DLGAP2: variants seen among roughly 807,000 people sequenced by gnomAD.
DLGAP2 encodes the protein disks large-associated protein 2.
Under a neutral mutation model 100.3 loss-of-function variants are expected in DLGAP2, and 26 were observed. The observed-to-expected ratio is 0.26, with a 90% CI of 0.19 to 0.36. DLGAP2 has a LOEUF of 0.36. Ranked by LOEUF, DLGAP2 falls within the 10% of genes least tolerant of loss-of-function variation. The pLI, the probability that DLGAP2 is intolerant of heterozygous loss-of-function variation, is 1.00. For missense variants in DLGAP2, 1,858 were observed against 1,453.2 expected (o/e 1.28, Z -4.53); for synonymous variants, 886 against 630.1 (o/e 1.41, Z -6.08).
At chr8:925,845 G>A (rs1232927435) in intron 2 of DLGAP2, among the ~76,000 whole-genome samples, 2 of 152,138 alleles carry the variant, frequency 1.3e-5, no homozygotes, top group African/African-American at 2.4e-5. Flanking sequence ...AAAATGTGGT[G>A]TTCCAGTTCA....
At chr8:1,561,131 GCACA>G (rs1290153735) in intron 5 of DLGAP2, among the ~76,000 whole-genome samples, 9 of 152,104 alleles carry the variant, frequency 5.9e-5, no homozygotes, top group African/African-American at 1.9e-4. Flanking sequence ...GAGTTCCCCT[GCACA>G]CACTCTCTTG....
At chr8:1,225,818 A>T (rs1489966198) in intron 2 of DLGAP2, among the ~76,000 whole-genome samples, 1 of 152,226 alleles carries the variant, frequency 6.6e-6, no homozygotes, top group African/African-American at 2.4e-5. Context: ...ATATTGTATA[A>T]ATCAAAATTG....
Position 1,618,893 on chromosome 8 carries a change from T to C in DLGAP2, c.1443-7847T>C, listed in dbSNP as rs190674064. On this transcript the variant is annotated intron_variant, in intron 6 of 14. Transcript: ENST00000637795. The stretch of plus-strand genomic sequence containing the variant: ...AGTAGACACGAGTAGCACCCTCCTC[T>C]AAATTGTGGCAAACTCAAAATATCT... 1.2e-4 allele frequency among the ~76,000 whole-genome samples: 19 copies of C among 152,292 alleles called. No homozygotes were observed. The East Asian group carries it at 3.5e-3, about 28-fold the overall frequency.
chr8:870,492 C>T (rs1797577150), intron 1 of DLGAP2, among the ~76,000 whole-genome samples: 1 of 152,172 alleles, frequency 6.6e-6, no homozygotes, highest in African/African-American at 2.4e-5. Flanking sequence ...AAATTTCCTG[C>T]ACTTTCTCAC....
chr8:1,145,283 T>C (rs978358643), intron 2 of DLGAP2, among the ~76,000 whole-genome samples: 5 of 151,902 alleles, frequency 3.3e-5, no homozygotes, highest in African/African-American at 1.2e-4. Context: ...CCACCCACCA[T>C]CCCTCCAGGA....
intron 14 of DLGAP2, among the ~76,000 whole-genome samples, chr8:1,698,437 C>A (rs114767249): frequency 6.8e-6 from 1 of 147,940 alleles, no homozygotes; most frequent in African/African-American, 2.5e-5. Context: ...TGGGAGTAGG[C>A]TGGTCCACGT....
chr8:1,531,288 T>C (rs544649459), intron 4 of DLGAP2, among the ~76,000 whole-genome samples: 72 of 150,740 alleles, frequency 4.8e-4, no homozygotes, highest in Non-Finnish European at 7.4e-4. Flanking sequence ...GTTCTTAACC[T>C]GGGACAAATT....
At chr8:1,382,538 C>A (rs1021532760) in intron 3 of DLGAP2, among the ~76,000 whole-genome samples, 1 of 152,158 alleles carries the variant, frequency 6.6e-6, no homozygotes, top group African/African-American at 2.4e-5. Context: ...GAGTTTGAGA[C>A]CAACCTGGGC....
intron 6 of DLGAP2, among the ~76,000 whole-genome samples, chr8:1,567,464 CA>C (rs1802448491): frequency 1.3e-5 from 2 of 152,148 alleles, no homozygotes; most frequent in Non-Finnish European, 2.9e-5. Flanking sequence ...TGTTTGAAAG[CA>C]AAACATGAAA....
At chr8:1,584,898 C>G (rs1281580303) in intron 6 of DLGAP2, among the ~76,000 whole-genome samples, 4 of 152,224 alleles carry the variant, frequency 2.6e-5, no homozygotes, top group Admixed American at 6.5e-5. Flanking sequence ...TACCTCATTT[C>G]TTTCTTCTTG....
At chr8:1,249,670 C>T (rs1197933487) in intron 2 of DLGAP2, among the ~76,000 whole-genome samples, 1 of 152,182 alleles carries the variant, frequency 6.6e-6, no homozygotes, top group Non-Finnish European at 1.5e-5. Context: ...ACACAGCTGT[C>T]ATGGAGCTGG....
Position 1,669,913 on chromosome 8 carries a change from C to T in DLGAP2, c.2202+129C>T, listed in dbSNP as rs141572733. ...TATGTGCCAGGCACTATGCTGGGTGCTCCCATCTGTCCCCCTTAGATGAGG... is the reference window on the plus strand; with the variant it reads ...TATGTGCCAGGCACTATGCTGGGTGTTCCCATCTGTCCCCCTTAGATGAGG... On this transcript the variant is annotated intron_variant, in intron 10 of 14. Transcript: ENST00000637795. 3.4e-4 allele frequency: 242 copies of T among 704,590 alleles called. 1 individual carries two copies. The African/African-American group carries it at 4.0e-3, about 12-fold the overall frequency. The allele number at this position is 704,590 out of a possible 1,614,324, so 43.6% of individuals were successfully genotyped here.
At chr8:1,407,199 G>T (rs377388256) in intron 3 of DLGAP2, among the ~76,000 whole-genome samples, 58 of 9,314 alleles carry the variant, frequency 6.2e-3, no homozygotes, top group South Asian at 0.016. Flanking sequence ...CTTGTCCTCC[G>T]GAGTCGTGTA....
At chr8:1,365,004 G>A (rs1464345529) in intron 3 of DLGAP2, among the ~76,000 whole-genome samples, 2 of 152,194 alleles carry the variant, frequency 1.3e-5, no homozygotes, top group Non-Finnish European at 2.9e-5. Flanking sequence ...TGGGAACCGG[G>A]CCCTCAGAGA....
chr8:861,495 G>A lies in DLGAP2; in HGVS notation c.19-46417G>A, dbSNP rs143673399. On this transcript the variant is annotated intron_variant, in intron 1 of 14. Coordinates refer to ENST00000637795, the MANE Select transcript of DLGAP2 (RefSeq NM_001346810.2). ...AAGAGACCAAACATTTCATGGATCC[G>A]TAGCTCCTGTCGTATTTCTTACTGC... Among the ~76,000 whole-genome samples, 170 of 152,122 alleles carry A rather than the reference G, an allele frequency of 1.1e-3. 1 individual carries two copies. The highest frequency in any genetic ancestry group is 3.8e-3 in the African/African-American group (159 of 41,416).
chr8:1,644,382 C>T lies in DLGAP2; in HGVS notation c.1810+11336C>T, dbSNP rs529390180. Among the ~76,000 whole-genome samples, 4 of 152,320 alleles carry T rather than the reference C, an allele frequency of 2.6e-5. No individual in the cohort carries two copies. In the South Asian group the frequency reaches 8.3e-4, roughly 32 times the overall value. On this transcript the variant is annotated intron_variant, in intron 8 of 14. Coordinates refer to ENST00000637795, the MANE Select transcript of DLGAP2 (RefSeq NM_001346810.2). ...CGGCCCCACCAGACGGCCCAGCTGC[C>T]CTCTCGCTCCCACCCGCTCCCAGCC...
chr8:1,046,433 G>A (rs1409486261), intron 2 of DLGAP2, among the ~76,000 whole-genome samples: 1 of 152,112 alleles, frequency 6.6e-6, no homozygotes, highest in Non-Finnish European at 1.5e-5. Context: ...ATATGACTTT[G>A]CAGGGGTGGA....
intron 6 of DLGAP2, among the ~76,000 whole-genome samples, chr8:1,609,609 C>T (rs1473892606): frequency 9.1e-6 from 1 of 109,298 alleles, no homozygotes; most frequent in Non-Finnish European, 2.1e-5. Context: ...GATAAAGAGT[C>T]AAGACCCATC....
At chr8:1,588,602 A>G (rs763245205) in intron 6 of DLGAP2, among the ~76,000 whole-genome samples, 1 of 152,174 alleles carries the variant, frequency 6.6e-6, no homozygotes, top group Non-Finnish European at 1.5e-5. Flanking sequence ...ACAGACTGTT[A>G]AAACATTAAC....
Sources: allele counts gnomAD v4.1 joint callset (sites outside exome capture counted in the v4.1 genomes callset), GRCh38; gene constraint gnomAD v4.1.1; transcripts MANE v1.5; gene names NCBI Gene and HGNC (gene_info 2026-07-23, HGNC 2026-07-21).